FBXO11: variants seen among roughly 807,000 people sequenced by gnomAD.
The protein encoded by FBXO11 is F-box protein 11.
A neutral mutation model predicts 117.0 loss-of-function variants in FBXO11; 13 were observed. The ratio of observed to expected loss-of-function variants is 0.11; its 90% CI spans 0.07 to 0.18. FBXO11 has a LOEUF of 0.18. Ranked by LOEUF, FBXO11 falls within the 10% of genes least tolerant of loss-of-function variation. FBXO11 has a pLI of 1.00. For synonymous variants in FBXO11, 490 were observed against 380.5 expected, an observed-to-expected ratio of 1.29 and a Z score of -3.35; for missense variants, 767 against 1,164.4, an observed-to-expected ratio of 0.66 and a Z score of 4.97.
At chr2:47,891,178 G>C (rs972797637) in intron 1 of FBXO11, among the ~76,000 whole-genome samples, 1 of 152,040 alleles carries the variant, frequency 6.6e-6, no homozygotes. Context: ...AAATGTTTAA[G>C]TGTACAATAC....
At chr2:47,837,596 G>A (rs1316991634) in intron 4 of FBXO11, among the ~76,000 whole-genome samples, 2 of 152,102 alleles carry the variant, frequency 1.3e-5, no homozygotes, top group Non-Finnish European at 2.9e-5. Context: ...ACATATAACC[G>A]TTGTAAAACA....
At chr2:47,856,716 T>C (rs931395363) in intron 1 of FBXO11, among the ~76,000 whole-genome samples, 9 of 152,240 alleles carry the variant, frequency 5.9e-5, no homozygotes, top group Non-Finnish European at 1.2e-4. Context: ...GAACATTTAC[T>C]TTTTAACTTC....
At chr2:47,810,226 A>T (rs1255039649) in intron 19 of FBXO11, 90 bp downstream of exon 19, 3 of 808,866 alleles carry the variant, frequency 3.7e-6, no homozygotes, top group Non-Finnish European at 3.8e-6. Context: ...TGCACATTTT[A>T]GTTAATAAGC....
chr2:47,818,069 C>A (rs912832240), intron 16 of FBXO11, among the ~76,000 whole-genome samples: 1 of 152,140 alleles, frequency 6.6e-6, no homozygotes, highest in Non-Finnish European at 1.5e-5. Context: ...GAGCCGAGAT[C>A]GTGCCATTGC....
chr2:47,905,427 C>T (rs1017075706), intron 1 of FBXO11, 62 bp downstream of exon 1: 12 of 1,156,878 alleles, frequency 1.0e-5, no homozygotes, highest in Admixed American at 4.7e-5. Context: ...CGCCCGCCCG[C>T]CCCGGCCTCC....
Position 47,829,328 on chromosome 2 carries a change from C to T in FBXO11, c.1398+3021G>A, listed in dbSNP as rs557359685. 4.1e-3 allele frequency among the ~76,000 whole-genome samples: 631 copies of T among 152,220 alleles called. 2 individuals are homozygous for T. The highest frequency in any genetic ancestry group is 0.017 in the Middle Eastern group (5 of 294). On this transcript the variant is annotated intron_variant, in intron 11 of 22. Coordinates refer to ENST00000403359, the MANE Select transcript of FBXO11 (RefSeq NM_001190274.2). Reference sequence around the variant, plus strand: ...CGATCTCGGCTCACTGCAACCTCTGCCTCCTGGATTCAAGCGATTCTCTTG... The same window carrying T: ...CGATCTCGGCTCACTGCAACCTCTGTCTCCTGGATTCAAGCGATTCTCTTG...
chr2:47,827,153 A>G (rs1419800968), intron 11 of FBXO11, among the ~76,000 whole-genome samples: 1 of 152,230 alleles, frequency 6.6e-6, no homozygotes, highest in Non-Finnish European at 1.5e-5. Context: ...TCTTTTCTCA[A>G]CGACCTTAAA....
At chr2:47,829,654 T>C (rs1398354469) in intron 11 of FBXO11, among the ~76,000 whole-genome samples, 1 of 152,116 alleles carries the variant, frequency 6.6e-6, no homozygotes, top group Non-Finnish European at 1.5e-5. Flanking sequence ...TTTGATGATA[T>C]TAAGGAATTA....
At chr2:47,892,329 A>G (rs1033183064) in intron 1 of FBXO11, among the ~76,000 whole-genome samples, 3 of 152,220 alleles carry the variant, frequency 2.0e-5, no homozygotes, top group Non-Finnish European at 4.4e-5. Flanking sequence ...AAATTTTTAG[A>G]TATTTCACCC....
At chr2:47,834,526 T>C in intron 7 of FBXO11, 53 bp downstream of exon 7, 1 of 1,360,156 alleles carries the variant, frequency 7.4e-7, no homozygotes, top group Non-Finnish European at 9.9e-7. Flanking sequence ...TAAAATCCTA[T>C]CACATAAATG....
At chr2:47,865,646 A>T (rs536490272) in intron 1 of FBXO11, 2 of 152,206 alleles carry the variant, frequency 1.3e-5, no homozygotes, top group Admixed American at 6.5e-5. Context: ...ACTCTGGCAG[A>T]TCTAATTTTA....
intron 1 of FBXO11, among the ~76,000 whole-genome samples, chr2:47,889,994 A>G (rs1279625552): frequency 6.6e-6 from 1 of 152,230 alleles, no homozygotes; most frequent in Non-Finnish European, 1.5e-5. Context: ...TCGCAAACTT[A>G]TCCTGGAAAG....
rs187732813 is a variant in FBXO11, at chr2:47,825,010, G to C, written c.1399-1650C>G. Among the ~76,000 whole-genome samples, 180 of 152,172 alleles carry C rather than the reference G, an allele frequency of 1.2e-3. 1 individual carries two copies. The highest frequency in any genetic ancestry group is 1.7e-3 in the Non-Finnish European group (113 of 68,004). On this transcript the variant is annotated intron_variant, in intron 11 of 22. Coordinates refer to ENST00000403359, the MANE Select transcript of FBXO11 (RefSeq NM_001190274.2). ...TATGTCCATTTCTACCCCACTGTAA[G>C]CTCCTGTCTGGACTATTCTAACTTC... is the stretch of plus-strand genomic sequence containing the variant.
At chr2:47,823,922 C>T (rs1045275238) in intron 11 of FBXO11, among the ~76,000 whole-genome samples, 4 of 151,762 alleles carry the variant, frequency 2.6e-5, no homozygotes, top group African/African-American at 4.8e-5. Flanking sequence ...TCATAGCTCA[C>T]GCAGCCTCAA....
At chr2:47,885,915 T>G (rs1363824495) in intron 1 of FBXO11, among the ~76,000 whole-genome samples, 1 of 151,252 alleles carries the variant, frequency 6.6e-6, no homozygotes, top group African/African-American at 2.4e-5. Context: ...GTACCCCCAC[T>G]ATCTCTGAAC....
chr2:47,839,858 G>C, intron 1 of FBXO11, 89 bp from the exon 2 acceptor site: 2 of 1,181,598 alleles, frequency 1.7e-6, no homozygotes, highest in South Asian at 1.5e-5. Context: ...CTTCAAATTC[G>C]GGAGGGAGCA....
At chr2:47,867,951 CCAAA>C (rs976771432) in intron 1 of FBXO11, among the ~76,000 whole-genome samples, 52 of 152,118 alleles carry the variant, frequency 3.4e-4, no homozygotes, top group Non-Finnish European at 5.9e-4. Context: ...TGAATATGGG[CCAAA>C]CAGTTAGCAA....
intron 1 of FBXO11, among the ~76,000 whole-genome samples, chr2:47,890,488 T>G (rs1572913078): frequency 6.6e-6 from 1 of 152,204 alleles, no homozygotes; most frequent in East Asian, 1.9e-4. Flanking sequence ...TCAAGTAGTA[T>G]GAGTTCACGA....
intron 1 of FBXO11, among the ~76,000 whole-genome samples, chr2:47,862,074 G>C (rs981873949): frequency 4.0e-5 from 6 of 151,890 alleles, no homozygotes; most frequent in Non-Finnish European, 8.8e-5. Context: ...TACCATGCCT[G>C]GCTAATTTTT....
Sources: gnomAD v4.1 joint callset for allele counts (sites outside exome capture counted in the v4.1 genomes callset) on GRCh38, gnomAD v4.1.1 for gene constraint, MANE v1.5 for transcripts, NCBI Gene and HGNC (gene_info 2026-07-23, HGNC 2026-07-21) for gene names.